TBXAS1: variants seen among roughly 807,000 people sequenced by gnomAD.
TBXAS1 encodes thromboxane-A synthase.
A neutral mutation model predicts 60.7 loss-of-function variants in TBXAS1; 48 were observed. That is an observed-to-expected ratio of 0.79 (90% CI 0.63 to 1.01). The LOEUF (loss-of-function observed/expected upper bound fraction) is 1.01. Among genes scored for constraint, TBXAS1 ranks in the 50% least tolerant of loss-of-function variants. The pLI is 0.00. For missense variants in TBXAS1, 685 were observed against 686.3 expected (o/e 1.00, Z 0.02); for synonymous variants, 287 against 269.7 (o/e 1.06, Z -0.63).
intron 4 of TBXAS1, among the ~76,000 whole-genome samples, chr7:139,821,414 G>T (rs1466880292): frequency 6.6e-6 from 1 of 152,340 alleles, no homozygotes; most frequent in South Asian, 2.1e-4. Flanking sequence ...CAAAAGCCAA[G>T]TGAGTGGATG....
At position 139,863,690 on chromosome 7, in the gene TBXAS1, T is replaced by C. The variant is rs1001532037; in HGVS notation, c.90-8545T>C. Among the ~76,000 whole-genome samples, 11 of 152,094 alleles carry C rather than the reference T, an allele frequency of 7.2e-5. 1 individual carries two copies. Among genetic ancestry groups the C allele is most frequent in the Non-Finnish European group, 4.4e-5 (3 of 68,010 alleles). On this transcript the variant is annotated intron_variant, in intron 1 of 12. Transcript: ENST00000448866. ...ATTGAAAACATGTGAACTAAACTAA[T>C]AACTTAAGAAGTTAAAAGAAAACAA...
At chr7:139,983,840 G>T (rs1427367880) in intron 9 of TBXAS1, among the ~76,000 whole-genome samples, 1 of 152,092 alleles carries the variant, frequency 6.6e-6, no homozygotes, top group Non-Finnish European at 1.5e-5. Flanking sequence ...CCAAACTCAG[G>T]GCTTCCTTCC....
At chr7:139,842,734 A>T (rs1442992063) in intron 1 of TBXAS1, among the ~76,000 whole-genome samples, 1 of 152,222 alleles carries the variant, frequency 6.6e-6, no homozygotes, top group East Asian at 1.9e-4. Context: ...TGTTGCTTTC[A>T]GCCTCAGCCC....
intron 5 of TBXAS1, among the ~76,000 whole-genome samples, chr7:139,951,944 AG>A (rs1289497780): frequency 1.3e-4 from 3 of 22,494 alleles, no homozygotes; most frequent in Non-Finnish European, 3.0e-4. Context: ...AAAGAAGGAA[AG>A]AAAGAAAAGA....
At chr7:139,885,228 G>T (rs1173428201) in intron 3 of TBXAS1, among the ~76,000 whole-genome samples, 1 of 152,200 alleles carries the variant, frequency 6.6e-6, no homozygotes, top group Non-Finnish European at 1.5e-5. Flanking sequence ...TATCAAATAT[G>T]GCATCAGTAC....
At chr7:139,905,553 T>A (rs892709085) in intron 3 of TBXAS1, among the ~76,000 whole-genome samples, 1 of 152,258 alleles carries the variant, frequency 6.6e-6, no homozygotes, top group East Asian at 1.9e-4. Context: ...TCTATGTTCA[T>A]CAAGGATATC....
At chr7:139,859,863 G>A (rs143141559) in intron 1 of TBXAS1, among the ~76,000 whole-genome samples, 2 of 152,188 alleles carry the variant, frequency 1.3e-5, no homozygotes, top group Admixed American at 1.3e-4. Context: ...CTTTGGCCAG[G>A]CATGGTGGCT....
At chr7:139,854,472 G>A (rs1800445170) in intron 1 of TBXAS1, among the ~76,000 whole-genome samples, 1 of 152,144 alleles carries the variant, frequency 6.6e-6, no homozygotes, top group Non-Finnish European at 1.5e-5. Context: ...ATTTGCATAT[G>A]AGCAAGCTTC....
At chr7:139,929,294 C>T (rs764222173) in intron 4 of TBXAS1, among the ~76,000 whole-genome samples, 52 of 152,202 alleles carry the variant, frequency 3.4e-4, no homozygotes, top group Non-Finnish European at 3.2e-4. Flanking sequence ...GGGTTCTTAT[C>T]CCTGACGCAC....
At position 139,936,192 on chromosome 7, in the gene TBXAS1, C is replaced by T. The variant is rs139976441; in HGVS notation, c.335C>T (p.Ala112Val). The change falls in exon 5 of 13, where the codon GCG becomes GTG. Residue 112 changes from alanine to valine, a missense_variant and splice_region_variant. Transcript: ENST00000448866. ...ENFSNFTNRMASGLEFKSVAD... is the reference protein window; with the variant it reads ...ENFSNFTNRMVSGLEFKSVAD... ...CCTCTGCTTGTTACTTCCCAACAGG[C>T]GTCGGGTTTGGAGTTCAAGTCGGTA... 4.9e-4 allele frequency: 796 copies of T among 1,614,144 alleles called. 1 individual carries two copies. Among genetic ancestry groups the T allele is most frequent in the Non-Finnish European group, 6.2e-4 (731 of 1,180,008 alleles).
Position 139,984,929 on chromosome 7 carries a change from AAAG to A in TBXAS1, c.1135-22159_1135-22157del, listed in dbSNP as rs1192424396. The stretch of plus-strand genomic sequence containing the variant: ...AAAGGAAAGAAAGAAAGAAGGAAAG[AAAG>A]AAAGAAAGAAAAGAAAAGAAAGAAA... On this transcript the variant is annotated intron_variant, in intron 9 of 12. Transcript: ENST00000448866. Among the ~76,000 whole-genome samples, 3 of 81,200 alleles carry A rather than the reference AAAG, an allele frequency of 3.7e-5. No individual in the cohort carries two copies. In the South Asian group the frequency reaches 1.4e-3, roughly 37 times the overall value. The allele number at this position is 81,200 out of a possible 152,430, so 53.3% of individuals were successfully genotyped here. A position where few individuals can be genotyped will look rare whatever the true frequency, so the allele number is the denominator to read the frequency against.
In TBXAS1 at chr7:139,955,479, C is replaced by T. The variant is rs751501421; in HGVS notation, c.560C>T (p.Thr187Ile). The T allele has an allele frequency of 6.8e-6, 11 of 1,614,246 alleles. No individual in the cohort carries two copies. Among genetic ancestry groups the T allele is most frequent in the Non-Finnish European group, 9.3e-6 (11 of 1,180,050 alleles). Residue 187 changes from threonine (T) to isoleucine (I), a missense_variant, in exon 7 of 13, where the codon ACA becomes ATA. By Grantham distance (89) the Thr-to-Ile change is moderately conservative. Transcript: ENST00000448866. ...DIQRCYCNYT[T>I]DVVASVAFGT... ...CGTAGGTGCTACTGCAATTACACCA[C>T]AGATGTGGTTGCCAGCGTCGCCTTT...
chr7:139,827,467 A>G (rs557556197), upstream of TBXAS1, among the ~76,000 whole-genome samples: 3 of 152,316 alleles, frequency 2.0e-5, no homozygotes, highest in East Asian at 1.9e-4. Flanking sequence ...TTCAGTGTTA[A>G]TATTGAAATG....
At chr7:140,005,151 G>A (rs951572514) in intron 9 of TBXAS1, among the ~76,000 whole-genome samples, 6 of 152,202 alleles carry the variant, frequency 3.9e-5, no homozygotes, top group South Asian at 2.1e-4. Context: ...AGTTACGTCC[G>A]GGTGCAGTGG....
chr7:139,907,480 T>C (rs1183977643), intron 3 of TBXAS1, among the ~76,000 whole-genome samples: 1 of 152,148 alleles, frequency 6.6e-6, no homozygotes, highest in South Asian at 2.1e-4. Context: ...ACTTTTCTTG[T>C]AGTATCTTTG....
chr7:139,785,817 A>T (rs542381601), intron 3 of TBXAS1, among the ~76,000 whole-genome samples: 17 of 152,062 alleles, frequency 1.1e-4, no homozygotes, highest in Admixed American at 4.6e-4. Flanking sequence ...CATCTCGTGC[A>T]TCCTAAGCAA....
At position 139,955,512 on chromosome 7, in the gene TBXAS1, C is replaced by G; in HGVS notation, c.593C>G (p.Pro198Arg). 6.2e-7 allele frequency: 1 copy of G among 1,614,218 alleles called. No homozygotes were observed. Among genetic ancestry groups the G allele is most frequent in the Non-Finnish European group, 8.5e-7 (1 of 1,180,038 alleles). The change falls in exon 7 of 13, where the codon CCG becomes CGG. Residue 198 changes from proline (P) to arginine (R), a missense_variant. Transcript: ENST00000448866. The stretch of plus-strand genomic sequence containing the variant: ...GTTGCCAGCGTCGCCTTTGGCACCC[C>G]GGTGGACTCCTGGCAGGCCCCTGAG... ...DVVASVAFGT[P>R]VDSWQAPEDP...
At chr7:139,977,374 G>A (rs1456628827) in intron 9 of TBXAS1, among the ~76,000 whole-genome samples, 1 of 152,080 alleles carries the variant, frequency 6.6e-6, no homozygotes, top group Non-Finnish European at 1.5e-5. Flanking sequence ...ATCAGATCTC[G>A]TGAGACTTAC....
At chr7:140,016,130 C>T (rs921707561) in intron 11 of TBXAS1, among the ~76,000 whole-genome samples, 10 of 152,048 alleles carry the variant, frequency 6.6e-5, no homozygotes, top group Non-Finnish European at 1.0e-4. Flanking sequence ...AGATCGAGAC[C>T]ATCCTGGCTA....
Sources: gnomAD v4.1 joint callset for allele counts (sites outside exome capture counted in the v4.1 genomes callset) on GRCh38, gnomAD v4.1.1 for gene constraint, MANE v1.5 for transcripts, NCBI Gene and HGNC (gene_info 2026-07-23, HGNC 2026-07-21) for gene names.